The following ZPBP variants were observed in gnomAD, a reference collection of about 807,000 sequenced individuals.
ZPBP encodes the protein zona pellucida binding protein.
A neutral mutation model predicts 44.8 loss-of-function variants in ZPBP; 26 were observed. The observed-to-expected ratio is 0.58, with a 90% CI of 0.43 to 0.81. The LOEUF (loss-of-function observed/expected upper bound fraction) is 0.81, where lower values mean the gene tolerates loss of function less well. Ranked by LOEUF, ZPBP falls within the 30% of genes least tolerant of loss-of-function variation. The probability of loss-of-function intolerance (pLI) is 0.00; values close to 1 mark genes in which losing one functional copy is unlikely to be tolerated. For missense variants in ZPBP, 409 were observed against 434.0 expected, an observed-to-expected ratio of 0.94 and a Z score of 0.51; for synonymous variants, 174 against 153.2, an observed-to-expected ratio of 1.14 and a Z score of -1.00.
At chr7:49,866,947 GA>G (rs1790917338) in intron 2 of ZPBP, among the ~76,000 whole-genome samples, 1 of 152,204 alleles carries the variant, frequency 6.6e-6, no homozygotes, top group Non-Finnish European at 1.5e-5. Flanking sequence ...CACAGACCCA[GA>G]AGCCCACCTG....
intron 7 of ZPBP, chr7:49,943,808 G>T (rs1794987982): frequency 8.3e-6 from 2 of 241,632 alleles, no homozygotes; most frequent in South Asian, 1.1e-4. Flanking sequence ...TAACCCTGGA[G>T]AGCTCATCCT....
At chr7:50,011,870 T>C (rs1798600113) in intron 6 of ZPBP, among the ~76,000 whole-genome samples, 1 of 151,756 alleles carries the variant, frequency 6.6e-6, no homozygotes, top group Non-Finnish European at 1.5e-5. Context: ...ACCAACGTGG[T>C]AAAACCCCGT....
intron 6 of ZPBP, among the ~76,000 whole-genome samples, chr7:49,986,070 T>C (rs1583985098): frequency 6.6e-6 from 1 of 152,192 alleles, no homozygotes; most frequent in Admixed American, 6.5e-5. Flanking sequence ...GATAAGGACC[T>C]AGATTTTAGC....
chr7:50,021,102 CA>C (rs530474080), intron 5 of ZPBP, among the ~76,000 whole-genome samples: 8 of 151,028 alleles, frequency 5.3e-5, no homozygotes, highest in African/African-American at 1.2e-4. Flanking sequence ...GCAAAGTTTT[CA>C]AAAAAAATAG....
chr7:50,072,117 A>T (rs1014458249), intron 3 of ZPBP, among the ~76,000 whole-genome samples: 3 of 152,226 alleles, frequency 2.0e-5, no homozygotes, highest in African/African-American at 7.2e-5. Context: ...GCATTTCTGA[A>T]CTTGCCCTGG....
intron 2 of ZPBP, among the ~76,000 whole-genome samples, chr7:49,862,868 T>C (rs1342889448): frequency 6.6e-6 from 1 of 152,220 alleles, no homozygotes; most frequent in East Asian, 1.9e-4. Context: ...GTATTCACTT[T>C]GCTACTGTTT....
chr7:50,065,886 A>C (rs1016639120), intron 3 of ZPBP, among the ~76,000 whole-genome samples: 1 of 151,084 alleles, frequency 6.6e-6, no homozygotes, highest in African/African-American at 2.4e-5. Flanking sequence ...AACTTGTAAC[A>C]GTGCTGTCTG....
intron 3 of ZPBP, among the ~76,000 whole-genome samples, chr7:50,075,942 C>G (rs1562610507): frequency 6.6e-6 from 1 of 151,792 alleles, no homozygotes; most frequent in Non-Finnish European, 1.5e-5. Context: ...CAGACAAAAA[C>G]ACATCATAAA....
chr7:49,874,204 G>A (rs1791299317), intron 2 of ZPBP, among the ~76,000 whole-genome samples: 1 of 152,146 alleles, frequency 6.6e-6, no homozygotes. Flanking sequence ...ACACAGTCAT[G>A]TGCCTCATAA....
At chr7:49,942,185 C>A in intron 7 of ZPBP, 1 of 132,656 alleles carries the variant, frequency 7.5e-6, no homozygotes, top group South Asian at 2.6e-4. Flanking sequence ...CAGGATACTG[C>A]ATTTTACAAT....
chr7:49,981,381 T>C (rs1583970614), intron 7 of ZPBP, among the ~76,000 whole-genome samples: 2 of 36,240 alleles, frequency 5.5e-5, no homozygotes, highest in African/African-American at 1.4e-4. Context: ...ATATATTATA[T>C]ATAATTATAT....
intron 7 of ZPBP, among the ~76,000 whole-genome samples, chr7:49,949,211 A>C (rs1402107686): frequency 6.6e-6 from 1 of 152,184 alleles, no homozygotes; most frequent in Non-Finnish European, 1.5e-5. Context: ...TCTAGCATCC[A>C]GAATTGTAAG....
intron 1 of ZPBP, among the ~76,000 whole-genome samples, chr7:49,901,853 T>C (rs1166132728): frequency 6.6e-6 from 1 of 151,810 alleles, no homozygotes; most frequent in Non-Finnish European, 1.5e-5. Flanking sequence ...AGCCCAGAAA[T>C]AGACTCAGAT....
intron 3 of ZPBP, among the ~76,000 whole-genome samples, chr7:50,063,482 T>C (rs529767324): frequency 6.6e-6 from 1 of 152,348 alleles, no homozygotes; most frequent in South Asian, 2.1e-4. Flanking sequence ...ACAAACTCTA[T>C]AGTTGACTGA....
intron 3 of ZPBP, among the ~76,000 whole-genome samples, chr7:50,077,857 G>C (rs1180951103): frequency 6.6e-6 from 1 of 151,832 alleles, no homozygotes; most frequent in Non-Finnish European, 1.5e-5. Context: ...ACTAAAAACA[G>C]AGCTAACATA....
chr7:50,087,552 A>G (rs1288236770), intron 2 of ZPBP, among the ~76,000 whole-genome samples: 10 of 152,054 alleles, frequency 6.6e-5, no homozygotes, highest in African/African-American at 2.4e-4. Context: ...CACAGATAAC[A>G]TCATACTTAA....
intron 3 of ZPBP, among the ~76,000 whole-genome samples, chr7:50,070,351 G>T (rs1340192596): frequency 6.6e-6 from 1 of 152,180 alleles, no homozygotes; most frequent in African/African-American, 2.4e-5. Context: ...TCCTGTCTTG[G>T]GCCCTTACTC....
intron 6 of ZPBP, among the ~76,000 whole-genome samples, chr7:49,997,842 G>A (rs1486510219): frequency 6.6e-6 from 1 of 152,162 alleles, no homozygotes; most frequent in Admixed American, 6.6e-5. Context: ...AATTTCATCA[G>A]TGGCTTGCAA....
chr7:50,019,628 T>C (rs1278608974), intron 5 of ZPBP, among the ~76,000 whole-genome samples: 1 of 152,124 alleles, frequency 6.6e-6, no homozygotes, highest in Non-Finnish European at 1.5e-5. Context: ...TATGAATATA[T>C]GCAGAGTATA....
Sources: gnomAD v4.1 joint callset for allele counts (sites outside exome capture counted in the v4.1 genomes callset) on GRCh38, gnomAD v4.1.1 for gene constraint, MANE v1.5 for transcripts, NCBI Gene and HGNC (gene_info 2026-07-23, HGNC 2026-07-21) for gene names.